The following PRR16 variants were observed in gnomAD, a reference collection of about 807,000 sequenced individuals.
PRR16 encodes protein Largen.
A neutral mutation model predicts 18.2 loss-of-function variants in PRR16; 6 were observed. The observed-to-expected ratio is 0.33, with a 90% CI of 0.18 to 0.65. The LOEUF (loss-of-function observed/expected upper bound fraction) is 0.65, where lower values mean the gene tolerates loss of function less well. Ranked by LOEUF, PRR16 falls within the 30% of genes least tolerant of loss-of-function variation. PRR16 has a pLI of 0.74. For synonymous variants in PRR16, 151 were observed against 147.8 expected, an observed-to-expected ratio of 1.02 and a Z score of -0.16; for missense variants, 412 against 376.6, an observed-to-expected ratio of 1.09 and a Z score of -0.78.
intron 1 of PRR16, among the ~76,000 whole-genome samples, chr5:120,659,692 C>T (rs1462270002): frequency 2.0e-5 from 3 of 151,688 alleles, no homozygotes; most frequent in African/African-American, 7.3e-5. Context: ...TTTTTATATT[C>T]CTTGAGAACA....
the PRR16 span, among the ~76,000 whole-genome samples, chr5:120,703,208 G>T: frequency 3.3e-5 from 5 of 152,146 alleles, no homozygotes; most frequent in African/African-American, 1.2e-4. Flanking sequence ...GGATGAGCCA[G>T]GAAAAGGATT....
rs185384132 is a variant in PRR16, at chr5:120,489,923, C to T, written c.159+25278C>T. ...CCTTCATTTATGAAACTTAGTTTGG[C>T]TGGATATGAAATTCTGGGTTGAAAA... On this transcript the variant is annotated intron_variant, in intron 1 of 1. Transcript: ENST00000407149. Among the ~76,000 whole-genome samples the T allele has an allele frequency of 4.4e-3, 663 of 152,214 alleles. 8 individuals carry two copies. Among genetic ancestry groups the T allele is most frequent in the African/African-American group, 0.016 (644 of 41,508 alleles).
intron 1 of PRR16, among the ~76,000 whole-genome samples, chr5:120,647,577 T>C (rs1239047323): frequency 1.3e-5 from 2 of 152,106 alleles, no homozygotes; most frequent in South Asian, 2.1e-4. Context: ...CTTGACTTAT[T>C]TCAAGTATGT....
the PRR16 span, among the ~76,000 whole-genome samples, chr5:120,765,857 G>T: frequency 6.6e-6 from 1 of 151,972 alleles, no homozygotes; most frequent in Non-Finnish European, 1.5e-5. Flanking sequence ...GGAGAGGTAA[G>T]TTCATAGCCT....
At chr5:120,533,645 G>A (rs368389621) in intron 1 of PRR16, among the ~76,000 whole-genome samples, 4 of 152,258 alleles carry the variant, frequency 2.6e-5, no homozygotes, top group African/African-American at 7.2e-5. Context: ...AAGCAGGAGC[G>A]TGCCTGGTAT....
chr5:120,714,641 A>G, the PRR16 span, among the ~76,000 whole-genome samples: 13 of 152,200 alleles, frequency 8.5e-5, no homozygotes, highest in Non-Finnish European at 1.3e-4. Flanking sequence ...ATTACTGCAT[A>G]TATACCCAAA....
the PRR16 span, among the ~76,000 whole-genome samples, chr5:120,746,336 A>G: frequency 6.6e-6 from 1 of 152,192 alleles, no homozygotes; most frequent in East Asian, 1.9e-4. Context: ...TTGATTTGGG[A>G]AACAACTTTC....
At chr5:120,762,831 C>G in the PRR16 span, among the ~76,000 whole-genome samples, 1 of 152,110 alleles carries the variant, frequency 6.6e-6, no homozygotes, top group Non-Finnish European at 1.5e-5. Context: ...CTTTTGAGGT[C>G]TTAGCCATAA....
intron 1 of PRR16, among the ~76,000 whole-genome samples, chr5:120,617,568 T>C (rs1754554653): frequency 6.6e-6 from 1 of 152,170 alleles, no homozygotes; most frequent in Non-Finnish European, 1.5e-5. Flanking sequence ...GGTATCACAA[T>C]TAATGAGGTC....
intron 1 of PRR16, among the ~76,000 whole-genome samples, chr5:120,611,428 C>T (rs1286462143): frequency 1.3e-5 from 2 of 152,168 alleles, no homozygotes; most frequent in East Asian, 3.9e-4. Flanking sequence ...ATCACAGGCC[C>T]AGAGGCCCAG....
chr5:120,557,041 G>A (rs1396324101), intron 1 of PRR16, among the ~76,000 whole-genome samples: 1 of 151,628 alleles, frequency 6.6e-6, no homozygotes, highest in Non-Finnish European at 1.5e-5. Context: ...TATAGACCCA[G>A]ATGTAACACT....
At position 120,653,703 on chromosome 5, in the gene PRR16, G is replaced by T. The variant is rs1231745522; in HGVS notation, c.160-32251G>T. On this transcript the variant is annotated intron_variant, in intron 1 of 1. Transcript: ENST00000407149. ...CAATGCTTCACATTAAAAAAAAATA[G>T]AACAAAGTTAATGCAGTCATTTATT... Among the ~76,000 whole-genome samples, 3 of 151,754 alleles carry T rather than the reference G, an allele frequency of 2.0e-5. No individual in the cohort carries two copies. The East Asian group carries it at 5.8e-4, about 29-fold the overall frequency.
the PRR16 span, among the ~76,000 whole-genome samples, chr5:120,732,679 TG>T: frequency 6.6e-6 from 1 of 152,154 alleles, no homozygotes; most frequent in African/African-American, 2.4e-5. Context: ...ATAGTAAAGA[TG>T]GCCCACTAGG....
chr5:120,500,878 T>C (rs1178697503), intron 1 of PRR16, among the ~76,000 whole-genome samples: 1 of 152,092 alleles, frequency 6.6e-6, no homozygotes, highest in African/African-American at 2.4e-5. Context: ...CCTATAAATT[T>C]TATGTTTTTT....
At chr5:120,531,971 G>C (rs1384683047) in intron 1 of PRR16, among the ~76,000 whole-genome samples, 1 of 152,136 alleles carries the variant, frequency 6.6e-6, no homozygotes, top group Non-Finnish European at 1.5e-5. Flanking sequence ...TAATTAGAGA[G>C]CTAATTATAA....
chr5:120,612,508 G>T (rs1028496816), intron 1 of PRR16, among the ~76,000 whole-genome samples: 2 of 152,168 alleles, frequency 1.3e-5, no homozygotes, highest in African/African-American at 2.4e-5. Flanking sequence ...CTATTCTCGT[G>T]ACGGTGAATA....
intron 1 of PRR16, among the ~76,000 whole-genome samples, chr5:120,530,285 T>TATATA (rs375750842): frequency 0.021 from 1,763 of 83,514 alleles, 15 homozygotes; most frequent in African/African-American, 0.039. Flanking sequence ...ATATATATAT[T>TATATA]TATTTATTTA....
chr5:120,719,783 T>G, the PRR16 span, among the ~76,000 whole-genome samples: 4 of 152,086 alleles, frequency 2.6e-5, no homozygotes, highest in African/African-American at 9.6e-5. Context: ...CTTTGGCACA[T>G]CTTAGACTCA....
At chr5:120,498,839 G>C (rs1460872392) in intron 1 of PRR16, among the ~76,000 whole-genome samples, 1 of 151,848 alleles carries the variant, frequency 6.6e-6, no homozygotes, top group Non-Finnish European at 1.5e-5. Flanking sequence ...TTTAAAAATG[G>C]TATGGCATTT....
Sources: gnomAD v4.1 joint callset for allele counts (sites outside exome capture counted in the v4.1 genomes callset) on GRCh38, gnomAD v4.1.1 for gene constraint, MANE v1.5 for transcripts, NCBI Gene and HGNC (gene_info 2026-07-23, HGNC 2026-07-21) for gene names.